The following MYO1E variants were observed in gnomAD, a reference collection of about 807,000 sequenced individuals.
MYO1E encodes the protein unconventional myosin-Ie.
In MYO1E, 68 loss-of-function variants were observed where a neutral mutation model predicts 151.1. That is an observed-to-expected ratio of 0.45 (90% CI 0.37 to 0.55). MYO1E has a LOEUF of 0.55. MYO1E is among the 20% of genes least tolerant of loss of function. MYO1E has a pLI of 0.00. For missense variants in MYO1E, 1,363 were observed against 1,389.3 expected, an observed-to-expected ratio of 0.98 and a Z score of 0.30; for synonymous variants, 601 against 501.7, an observed-to-expected ratio of 1.20 and a Z score of -2.64.
chr15:59,297,149 G>C (rs2080455196), intron 1 of MYO1E, among the ~76,000 whole-genome samples: 2 of 151,436 alleles, frequency 1.3e-5, no homozygotes, highest in Non-Finnish European at 2.9e-5. Flanking sequence ...ACCGCACCCG[G>C]CCAGGAAATT....
intron 17 of MYO1E, among the ~76,000 whole-genome samples, chr15:59,190,931 C>CAGAG (rs1220278298): frequency 6.6e-6 from 1 of 152,016 alleles, no homozygotes; most frequent in Non-Finnish European, 1.5e-5. Context: ...CAGGACAAGG[C>CAGAG]AGAGGGCTGT....
rs145194444 is a variant in MYO1E, at chr15:59,181,622, G to A, written c.1905-3085C>T. ...TTGCTCTCCAATATTCAGTCAAGAGGGATGGTTTTGATAAATATAAAGGAT... is the reference window on the plus strand; with the variant it reads ...TTGCTCTCCAATATTCAGTCAAGAGAGATGGTTTTGATAAATATAAAGGAT... On this transcript the variant is annotated intron_variant, in intron 18 of 27. Transcript: ENST00000288235. Among the ~76,000 whole-genome samples the A allele has an allele frequency of 6.6e-5, 10 of 152,328 alleles. No homozygotes were observed. The East Asian group carries it at 1.9e-3, about 29-fold the overall frequency.
At chr15:59,154,224 G>A (rs1183356305) in intron 25 of MYO1E, among the ~76,000 whole-genome samples, 2 of 152,168 alleles carry the variant, frequency 1.3e-5, no homozygotes, top group Non-Finnish European at 2.9e-5. Context: ...ACTCAAGAGG[G>A]CTGACAGGCA....
intron 1 of MYO1E, among the ~76,000 whole-genome samples, chr15:59,298,001 G>A (rs1389030673): frequency 6.6e-6 from 1 of 152,110 alleles, no homozygotes; most frequent in Non-Finnish European, 1.5e-5. Context: ...TAGAATTCTA[G>A]GCAAATAATT....
intron 26 of MYO1E, 90 bp from the exon 27 acceptor site, chr15:59,138,457 C>T: frequency 7.1e-7 from 1 of 1,413,346 alleles, no homozygotes; most frequent in South Asian, 1.2e-5. Context: ...CGGCACTGGC[C>T]TGTTCAAGTT....
At chr15:59,189,813 G>A (rs559501035) in intron 17 of MYO1E, among the ~76,000 whole-genome samples, 37 of 152,242 alleles carry the variant, frequency 2.4e-4, no homozygotes, top group Non-Finnish European at 4.7e-4. Context: ...CTGGCCTCAG[G>A]TGATCCACCA....
chr15:59,286,011 C>G (rs2080385726), intron 1 of MYO1E, among the ~76,000 whole-genome samples: 1 of 152,144 alleles, frequency 6.6e-6, no homozygotes. Flanking sequence ...GGAAGACTAG[C>G]TAGAAACACC....
chr15:59,233,082 T>C (rs1383886312), intron 5 of MYO1E, among the ~76,000 whole-genome samples: 1 of 142,138 alleles, frequency 7.0e-6, no homozygotes, highest in African/African-American at 2.6e-5. Context: ...AAAATCTATT[T>C]TGAGTTTGTG....
At chr15:59,359,937 C>A (rs189437826) in intron 1 of MYO1E, 1 of 152,256 alleles carries the variant, frequency 6.6e-6, no homozygotes, top group Admixed American at 6.5e-5. Context: ...GTCCAATGAG[C>A]AGTTAGTGTC....
intron 26 of MYO1E, among the ~76,000 whole-genome samples, chr15:59,146,047 T>A (rs1480072187): frequency 2.0e-5 from 3 of 152,154 alleles, no homozygotes; most frequent in Admixed American, 2.0e-4. Flanking sequence ...AGAGACAAGG[T>A]CTTGCTATGA....
At chr15:59,264,445 C>G (rs547304710) in intron 2 of MYO1E, among the ~76,000 whole-genome samples, 1 of 152,140 alleles carries the variant, frequency 6.6e-6, no homozygotes. Flanking sequence ...AATAAAAACA[C>G]AGAAAACTAG....
chr15:59,282,706 C>T (rs915974364), intron 1 of MYO1E, among the ~76,000 whole-genome samples: 1 of 150,140 alleles, frequency 6.7e-6, no homozygotes, highest in Non-Finnish European at 1.5e-5. Context: ...ATTAGCTGGA[C>T]GTGGTGGCAC....
At chr15:59,277,564 A>C (rs11071421) in intron 1 of MYO1E, among the ~76,000 whole-genome samples, 26,469 of 139,730 alleles carry the variant, frequency 0.19, 2,564 homozygotes, top group African/African-American at 0.2. Flanking sequence ...AAAAAAAAAA[A>C]AAAAAAAAAC....
At chr15:59,362,202 C>A (rs780656880) in intron 1 of MYO1E, among the ~76,000 whole-genome samples, 3 of 152,146 alleles carry the variant, frequency 2.0e-5, no homozygotes, top group Non-Finnish European at 4.4e-5. Context: ...AATGTATAGA[C>A]CCCCAAATAG....
At chr15:59,295,903 T>A (rs988487702) in intron 1 of MYO1E, among the ~76,000 whole-genome samples, 7 of 152,140 alleles carry the variant, frequency 4.6e-5, no homozygotes, top group Non-Finnish European at 1.0e-4. Context: ...GCGGGGTTAT[T>A]ATTAAGCTGA....
intron 23 of MYO1E, among the ~76,000 whole-genome samples, chr15:59,162,410 G>A (rs986415693): frequency 2.0e-5 from 3 of 152,226 alleles, no homozygotes; most frequent in South Asian, 2.1e-4. Flanking sequence ...TTGGGACGCC[G>A]AGGCGGGTGG....
intron 1 of MYO1E, among the ~76,000 whole-genome samples, chr15:59,292,211 T>C (rs970794003): frequency 1.3e-5 from 2 of 152,300 alleles, no homozygotes; most frequent in East Asian, 3.9e-4. Flanking sequence ...AAGAAAAAAA[T>C]CTATGATAGT....
chr15:59,231,844 G>C, intron 5 of MYO1E, 53 bp from the exon 6 acceptor site: 8 of 1,587,462 alleles, frequency 5.0e-6, no homozygotes, highest in South Asian at 1.1e-5. Flanking sequence ...CTACCACACA[G>C]TGTACGCCAA....
chr15:59,349,003 G>A (rs1441679959), intron 1 of MYO1E: 1 of 152,164 alleles, frequency 6.6e-6, no homozygotes, highest in Non-Finnish European at 1.5e-5. Context: ...CATGAGGTAA[G>A]AACATTTCAA....
Sources: allele counts gnomAD v4.1 joint callset (sites outside exome capture counted in the v4.1 genomes callset), GRCh38; gene constraint gnomAD v4.1.1; transcripts MANE v1.5; gene names NCBI Gene and HGNC (gene_info 2026-07-23, HGNC 2026-07-21).